DOK6: variants seen among roughly 807,000 people sequenced by gnomAD.
DOK6 encodes downstream of tyrosine kinase 6.
Under a neutral mutation model 44.0 loss-of-function variants are expected in DOK6, and 22 were observed. The observed-to-expected ratio is 0.50, with a 90% CI of 0.36 to 0.71. The LOEUF (loss-of-function observed/expected upper bound fraction) is 0.71, where lower values mean the gene tolerates loss of function less well. DOK6 is among the 30% of genes least tolerant of loss of function. DOK6 has a pLI of 0.00. For missense variants in DOK6, 340 were observed against 416.4 expected, an observed-to-expected ratio of 0.82 and a Z score of 1.60; for synonymous variants, 166 against 145.5, an observed-to-expected ratio of 1.14 and a Z score of -1.01.
chr18:69,698,407 G>C lies in DOK6; in HGVS notation c.413G>C (p.Arg138Thr). Residue 138 changes from arginine to threonine, a missense_variant, in exon 5 of 8, where the codon AGA (arginine) becomes ACA (threonine). By Grantham distance (71) the Arg-to-Thr change is moderately conservative (BLOSUM62 -1). Transcript: ENST00000382713. ...TCCATTCTTCGTCTCTTCACAGAGA[G>C]ATTCAACGTGTATCTTATGCCTACA... ...AAGVQREQNERFNVYLMPTPN... is the reference protein window; with the variant it reads ...AAGVQREQNETFNVYLMPTPN... The C allele has an allele frequency of 6.2e-7, 1 of 1,610,452 alleles. No homozygotes were observed. The highest frequency in any genetic ancestry group is 8.5e-7 in the Non-Finnish European group (1 of 1,178,100).
chr18:69,475,322 T>C lies in DOK6; in HGVS notation c.66+74012T>C, dbSNP rs563074273. Among the ~76,000 whole-genome samples, 3 of 152,314 alleles carry C rather than the reference T, an allele frequency of 2.0e-5. No homozygotes were observed. In the South Asian group the frequency reaches 6.2e-4, roughly 32 times the overall value. Reference sequence around the variant, plus strand: ...AGTTTCCAAGGGCATGCAGTAACACTGAGTATTAGGATTGGACCCAGTGGA... The same window carrying C: ...AGTTTCCAAGGGCATGCAGTAACACCGAGTATTAGGATTGGACCCAGTGGA... On this transcript the variant is annotated intron_variant, in intron 1 of 7. Coordinates refer to ENST00000382713, the MANE Select transcript of DOK6 (RefSeq NM_152721.6).
rs541716427 is a variant in DOK6, at chr18:69,465,895, G to C, written c.66+64585G>C. Among the ~76,000 whole-genome samples the C allele has an allele frequency of 2.6e-5, 4 of 152,234 alleles. No homozygotes were observed. In the East Asian group the frequency reaches 7.7e-4, roughly 29 times the overall value. ...ATTGTCTTACATTTTTAAAGGTATA[G>C]TTGATACCTTAAACATTTATAGTTG... On this transcript the variant is annotated intron_variant, in intron 1 of 7. Transcript: ENST00000382713.
chr18:69,442,835 C>T (rs957409439), intron 1 of DOK6, among the ~76,000 whole-genome samples: 2 of 152,094 alleles, frequency 1.3e-5, no homozygotes, highest in African/African-American at 4.8e-5. Flanking sequence ...CATTGTATAT[C>T]TGTGTGAATA....
chr18:69,738,884 C>T, intron 5 of DOK6, 81 bp from the exon 6 acceptor site: 3 of 1,550,942 alleles, frequency 1.9e-6, no homozygotes, highest in South Asian at 2.5e-5. Flanking sequence ...GGCACAAGGG[C>T]AAGGGCTTTG....
rs148116568 is a variant in DOK6, at chr18:69,766,306, G to A, written c.856+8433G>A. ...CTATTGGGTACTATGCTCACCACCC[G>A]GGTGATGGGATCAGTCGTAACCATA... On this transcript the variant is annotated intron_variant, in intron 7 of 7. Coordinates refer to ENST00000382713, the MANE Select transcript of DOK6 (RefSeq NM_152721.6). 5.0e-4 allele frequency among the ~76,000 whole-genome samples: 76 copies of A among 152,272 alleles called. 3 individuals are homozygous for A. The East Asian group carries it at 0.013, about 26-fold the overall frequency.
chr18:69,483,391 G>GT (rs1980484982), intron 1 of DOK6, among the ~76,000 whole-genome samples: 1 of 151,984 alleles, frequency 6.6e-6, no homozygotes, highest in Non-Finnish European at 1.5e-5. Flanking sequence ...CATAAAAGGA[G>GT]TAATTGCTGT....
chr18:69,514,528 T>C (rs1291773304), intron 1 of DOK6, among the ~76,000 whole-genome samples: 6 of 151,858 alleles, frequency 4.0e-5, no homozygotes, highest in Non-Finnish European at 7.4e-5. Context: ...CTGATTCATA[T>C]AGGAACTTTA....
chr18:69,686,745 A>G (rs1356869697), intron 4 of DOK6, among the ~76,000 whole-genome samples: 1 of 152,118 alleles, frequency 6.6e-6, no homozygotes, highest in Non-Finnish European at 1.5e-5. Context: ...AAGATAATAT[A>G]AGACACTAGC....
In DOK6 at chr18:69,846,378, G is replaced by T. The variant is rs1568144583; in HGVS notation, c.*4995G>T. On this transcript the variant is annotated 3_prime_UTR_variant, in exon 8 of 8. Transcript: ENST00000382713. ...CTAGGAATGTTTCCTTGGCTCCATG[G>T]CATCTCCCAGTTTGACATAGTGGGA... The T allele has an allele frequency of 6.6e-6, 1 of 152,228 alleles. No homozygotes were observed. Among genetic ancestry groups the T allele is most frequent in the Non-Finnish European group, 1.5e-5 (1 of 68,050 alleles). The allele number at this position is 152,228 out of a possible 1,614,324, so 9.4% of individuals were successfully genotyped here.
In DOK6 at chr18:69,794,285, G is replaced by A. The variant is rs554248284; in HGVS notation, c.856+36412G>A. Among the ~76,000 whole-genome samples, 37 of 152,262 alleles carry A rather than the reference G, an allele frequency of 2.4e-4. 1 individual carries two copies. The highest frequency in any genetic ancestry group is 7.0e-4 in the African/African-American group (29 of 41,552). On this transcript the variant is annotated intron_variant, in intron 7 of 7. Transcript: ENST00000382713. Reference sequence around the variant, plus strand: ...TCCTTTTAGCTAGCTTTCTACAGAAGTATCTGCCTTTTGCACTGTTCTAGG... The same window carrying A: ...TCCTTTTAGCTAGCTTTCTACAGAAATATCTGCCTTTTGCACTGTTCTAGG...
chr18:69,812,796 T>C (rs1004308122), intron 7 of DOK6, among the ~76,000 whole-genome samples: 5 of 152,068 alleles, frequency 3.3e-5, no homozygotes, highest in African/African-American at 1.2e-4. Context: ...GGCACCTTCT[T>C]CACAAGGGCA....
At chr18:69,536,553 T>C (rs1315652820) in intron 1 of DOK6, among the ~76,000 whole-genome samples, 1 of 152,180 alleles carries the variant, frequency 6.6e-6, no homozygotes, top group East Asian at 1.9e-4. Flanking sequence ...ATAATCATAG[T>C]TATTTCTGGT....
rs532540997 is a variant in DOK6 at position 69,698,431 on chromosome 18, C to T, written c.437C>T (p.Thr146Ile). Residue 146 changes from threonine (T) to isoleucine (I), a missense_variant, in exon 5 of 8, where the codon ACA (threonine) becomes ATA (isoleucine). By Grantham distance (89) the Thr-to-Ile change is moderately conservative. This residue lies in a region of DOK6 where 206 missense variants were observed against 258.6 expected (regional missense o/e 0.80). Coordinates refer to ENST00000382713, the MANE Select transcript of DOK6 (RefSeq NM_152721.6). ...AGATTCAACGTGTATCTTATGCCTA[C>T]ACCAAACCTGGATATTTATGGTGAA... ...NERFNVYLMP[T>I]PNLDIYGECT... 1.3e-5 allele frequency: 21 copies of T among 1,613,386 alleles called. No homozygotes were observed. Among genetic ancestry groups the T allele is most frequent in the Middle Eastern group, 1.7e-4 (1 of 6,056 alleles).
intron 5 of DOK6, among the ~76,000 whole-genome samples, chr18:69,727,624 T>C (rs868113674): frequency 6.6e-6 from 1 of 152,198 alleles, no homozygotes; most frequent in African/African-American, 2.4e-5. Context: ...CTGATGACTA[T>C]ATAAATGTGA....
chr18:69,661,672 T>C (rs1266336938), intron 3 of DOK6: 1 of 152,244 alleles, frequency 6.6e-6, no homozygotes, highest in African/African-American at 2.4e-5. Flanking sequence ...TGCAACATGA[T>C]TCAATCTGGT....
intron 7 of DOK6, 92 bp downstream of exon 7, chr18:69,757,965 C>T: frequency 9.3e-7 from 1 of 1,072,430 alleles, no homozygotes; most frequent in Admixed American, 1.7e-5. Context: ...GCATTGCTTG[C>T]TTTTCCTCCC....
At chr18:69,618,820 C>A (rs1167283533) in intron 3 of DOK6, 1 of 152,108 alleles carries the variant, frequency 6.6e-6, no homozygotes, top group African/African-American at 2.4e-5. Flanking sequence ...CACAGCTAAA[C>A]CCTATCAAGT....
chr18:69,483,805 G>A (rs115119439), intron 1 of DOK6: 179 of 152,194 alleles, frequency 1.2e-3, no homozygotes, highest in African/African-American at 4.1e-3. Context: ...ATTTAGAAAC[G>A]GAAAGGGTTA....
chr18:69,844,325 A>G lies in DOK6; in HGVS notation c.*2942A>G, dbSNP rs1219288378. The G allele has an allele frequency of 2.0e-5, 3 of 152,206 alleles. No homozygotes were observed. The highest frequency in any genetic ancestry group is 4.4e-5 in the Non-Finnish European group (3 of 68,034). 9.4% of individuals were successfully genotyped at this position (152,206 alleles called of 1,614,324 possible). A position where few individuals can be genotyped will look rare whatever the true frequency, so the allele number is the denominator to read the frequency against. On this transcript the variant is annotated 3_prime_UTR_variant, in exon 8 of 8. Transcript: ENST00000382713. ...ATAAATAGATGGTCACCATTTCTGC[A>G]TCAGGTTGGAAGAGACCAATGATAA...
Sources: gnomAD v4.1 joint callset for allele counts (sites outside exome capture counted in the v4.1 genomes callset) on GRCh38, gnomAD v4.1.1 for gene constraint, gnomAD v4.1.1 regional missense constraint, MANE v1.5 for transcripts, NCBI Gene and HGNC (gene_info 2026-07-23, HGNC 2026-07-21) for gene names.